The following ABHD17B variants were observed in gnomAD, a reference collection of about 807,000 sequenced individuals.
ABHD17B encodes alpha/beta hydrolase domain-containing protein 17B.
Under a neutral mutation model 26.2 loss-of-function variants are expected in ABHD17B, and 9 were observed. That is an observed-to-expected ratio of 0.34 (90% confidence interval 0.21 to 0.60). The LOEUF is 0.60. Among genes scored for constraint, ABHD17B ranks in the 20% least tolerant of loss-of-function variants. ABHD17B has a pLI of 0.80. For synonymous variants in ABHD17B, 127 were observed against 122.3 expected (o/e 1.04, Z -0.25); for missense variants, 224 against 352.1 (o/e 0.64, Z 2.91).
chr9:71,893,627 T>A (rs1826862478), intron 1 of ABHD17B, among the ~76,000 whole-genome samples: 1 of 152,200 alleles, frequency 6.6e-6, no homozygotes, highest in South Asian at 2.1e-4. Context: ...ATTGATTAAA[T>A]CACTGGCTGT....
rs146464895 is a variant in ABHD17B at position 71,870,091 on chromosome 9, T to C, written c.639A>G (p.Ala213=). ...PDTKKTYCFD[A]FPNIDKISKI... is the part of the protein sequence containing the mutation. ...TGAATATTGCTACTTACTTTGGGAATGCATCAAAACAGTAGGTCTTCTTGG... is the reference window on the plus strand; with the variant it reads ...TGAATATTGCTACTTACTTTGGGAACGCATCAAAACAGTAGGTCTTCTTGG... Residue 213 remains alanine (A), a synonymous_variant, in exon 3 of 4, where the codon GCA becomes GCG. Transcript: ENST00000333421. 6.9e-4 allele frequency: 1,110 copies of C among 1,600,684 alleles called. 1 individual carries two copies. The highest frequency in any genetic ancestry group is 8.6e-4 in the Non-Finnish European group (1,006 of 1,176,564).
At chr9:71,882,730 G>C (rs1826485466) in intron 1 of ABHD17B, among the ~76,000 whole-genome samples, 1 of 151,706 alleles carries the variant, frequency 6.6e-6, no homozygotes, top group South Asian at 2.1e-4. Context: ...GGGATGAGGA[G>C]AACAGGAGGG....
At chr9:71,880,949 A>G (rs1383380260) in intron 1 of ABHD17B, among the ~76,000 whole-genome samples, 4 of 151,986 alleles carry the variant, frequency 2.6e-5, no homozygotes, top group Non-Finnish European at 5.9e-5. Flanking sequence ...ATAAAAAAAT[A>G]AAACTAAGAA....
At chr9:71,867,597 A>G (rs1317848880) in intron 3 of ABHD17B, among the ~76,000 whole-genome samples, 1 of 152,204 alleles carries the variant, frequency 6.6e-6, no homozygotes, top group African/African-American at 2.4e-5. Flanking sequence ...TTTATACAAC[A>G]GAATACCCCA....
At chr9:71,890,814 T>C (rs1826758864) in intron 1 of ABHD17B, among the ~76,000 whole-genome samples, 1 of 152,220 alleles carries the variant, frequency 6.6e-6, no homozygotes, top group South Asian at 2.1e-4. Flanking sequence ...TTTATTAGAA[T>C]TTGTTCAACA....
At chr9:71,892,387 G>A (rs533216748) in intron 1 of ABHD17B, among the ~76,000 whole-genome samples, 4 of 151,940 alleles carry the variant, frequency 2.6e-5, no homozygotes, top group Admixed American at 6.6e-5. Context: ...AAAAAAATTA[G>A]CCAGGCGTGG....
chr9:71,873,979 A>G (rs1228606360), intron 2 of ABHD17B, among the ~76,000 whole-genome samples: 1 of 152,242 alleles, frequency 6.6e-6, no homozygotes, highest in Non-Finnish European at 1.5e-5. Context: ...GTAATCACAT[A>G]AAATAATGCA....
At chr9:71,881,490 C>T (rs897033352) in intron 1 of ABHD17B, among the ~76,000 whole-genome samples, 4 of 152,062 alleles carry the variant, frequency 2.6e-5, no homozygotes, top group African/African-American at 9.7e-5. Flanking sequence ...ATAGATAAAT[C>T]AGACTCCAAA....
chr9:71,909,032 T>C (rs561534184), intron 1 of ABHD17B, among the ~76,000 whole-genome samples: 1 of 152,336 alleles, frequency 6.6e-6, no homozygotes, highest in Admixed American at 6.5e-5. Flanking sequence ...TGATGTTTTT[T>C]GGTGATTTTG....
In ABHD17B at chr9:71,874,371, AC is replaced by A. The variant is rs558106762; in HGVS notation, c.467+242del. ...CAGCTAAGAATTTAAGTTAAAAAAAACATACATATATACGTGTATTAATGTA... is the reference window on the plus strand; with the variant it reads ...CAGCTAAGAATTTAAGTTAAAAAAAAATACATATATACGTGTATTAATGTA... On this transcript the variant is annotated intron_variant, in intron 2 of 3. Coordinates refer to ENST00000333421, the MANE Select transcript of ABHD17B (RefSeq NM_001025780.3). Among the ~76,000 whole-genome samples, 277 of 152,268 alleles carry A rather than the reference AC, an allele frequency of 1.8e-3. 1 individual carries two copies. The highest frequency in any genetic ancestry group is 5.0e-3 in the African/African-American group (206 of 41,556).
At chr9:71,883,119 G>C (rs1030047780) in intron 1 of ABHD17B, among the ~76,000 whole-genome samples, 2 of 152,152 alleles carry the variant, frequency 1.3e-5, no homozygotes, top group Non-Finnish European at 2.9e-5. Context: ...CTCCAGCCTG[G>C]GCGACAGGGC....
intron 1 of ABHD17B, among the ~76,000 whole-genome samples, chr9:71,878,150 A>G (rs1048707924): frequency 6.6e-5 from 10 of 152,198 alleles, no homozygotes; most frequent in Non-Finnish European, 1.5e-4. Context: ...AAAAAAAAAA[A>G]ATCACTGAAA....
At chr9:71,895,746 G>A (rs1263244957) in intron 1 of ABHD17B, among the ~76,000 whole-genome samples, 1 of 152,046 alleles carries the variant, frequency 6.6e-6, no homozygotes, top group African/African-American at 2.4e-5. Context: ...ACCTGACTTT[G>A]GACAAACCCT....
At position 71,866,499 on chromosome 9, in the gene ABHD17B, C is replaced by A; in HGVS notation, c.*288G>T. 7.3e-6 allele frequency: 8 copies of A among 1,102,586 alleles called. No homozygotes were observed. Among genetic ancestry groups the A allele is most frequent in the Non-Finnish European group, 8.9e-6 (8 of 903,458 alleles). The allele number at this position is 1,102,586 out of a possible 1,614,324, so 68.3% of individuals were successfully genotyped here. ...GCAAAAGCATTTGGCAATACTTTTA[C>A]AGCATTTGATTTTATAGAATTAAAA... On this transcript the variant is annotated 3_prime_UTR_variant, in exon 4 of 4. Coordinates refer to ENST00000333421, the MANE Select transcript of ABHD17B (RefSeq NM_001025780.3).
At chr9:71,890,047 G>C (rs1464372934) in intron 1 of ABHD17B, among the ~76,000 whole-genome samples, 1 of 151,866 alleles carries the variant, frequency 6.6e-6, no homozygotes, top group Non-Finnish European at 1.5e-5. Context: ...GATCACTTGA[G>C]GTCAGGAGTT....
intron 1 of ABHD17B, among the ~76,000 whole-genome samples, chr9:71,895,754 C>T (rs1462237914): frequency 6.6e-6 from 1 of 152,050 alleles, no homozygotes; most frequent in African/African-American, 2.4e-5. Flanking sequence ...TTGGACAAAC[C>T]CTTATTTGGA....
At chr9:71,907,205 A>G (rs1827310148) in intron 1 of ABHD17B, among the ~76,000 whole-genome samples, 1 of 152,222 alleles carries the variant, frequency 6.6e-6, no homozygotes, top group African/African-American at 2.4e-5. Context: ...ACATAGTTAT[A>G]TAACAGAGCA....
rs372210485 is a variant in ABHD17B at position 71,874,812 on chromosome 9, G to T, written c.269C>A (p.Ala90Glu). 1.9e-5 allele frequency: 31 copies of T among 1,614,042 alleles called. No homozygotes were observed. Among genetic ancestry groups the T allele is most frequent in the Non-Finnish European group, 2.5e-5 (29 of 1,180,032 alleles). Residue 90 changes from alanine to glutamate, a missense_variant, in exon 2 of 4, where the codon GCG (alanine) becomes GAG (glutamate). Transcript: ENST00000333421. ...ATGTGAGAAGAGTAAAGTGTATTTC[G>T]CATTGGGTGAACAACGTACAAACAT... ...ACMFVRCSPNAKYTLLFSHGN... is the reference protein window; with the variant it reads ...ACMFVRCSPNEKYTLLFSHGN...
intron 1 of ABHD17B, among the ~76,000 whole-genome samples, chr9:71,889,380 A>T (rs1254893530): frequency 1.3e-5 from 2 of 152,158 alleles, no homozygotes; most frequent in Non-Finnish European, 2.9e-5. Context: ...CGCCAGGCTA[A>T]AATTAGGATT....
Sources: allele counts gnomAD v4.1 joint callset (sites outside exome capture counted in the v4.1 genomes callset), GRCh38; gene constraint gnomAD v4.1.1; transcripts MANE v1.5; gene names NCBI Gene and HGNC (gene_info 2026-07-23, HGNC 2026-07-21).